The following CCDC171 variants were observed in gnomAD, a reference collection of about 807,000 sequenced individuals.
CCDC171 encodes coiled-coil domain-containing protein 171.
Under a neutral mutation model 168.2 loss-of-function variants are expected in CCDC171, and 177 were observed. That is an observed-to-expected ratio of 1.05 (90% CI 0.93 to 1.19). The LOEUF (loss-of-function observed/expected upper bound fraction) is 1.19, where lower values mean the gene tolerates loss of function less well. Ranked by LOEUF, CCDC171 falls within the 50% of genes most tolerant of loss-of-function variation. The probability of loss-of-function intolerance (pLI) is 0.00; values close to 1 mark genes in which losing one functional copy is unlikely to be tolerated. For missense variants in CCDC171, 1,991 were observed against 1,539.0 expected (o/e 1.29, Z -4.91); for synonymous variants, 687 against 540.8 (o/e 1.27, Z -3.75).
chr9:16,011,035 A>C (rs1832854912), intron 3 of CCDC171, among the ~76,000 whole-genome samples: 1 of 152,190 alleles, frequency 6.6e-6, no homozygotes, highest in Non-Finnish European at 1.5e-5. Flanking sequence ...TGCAAATGGG[A>C]GGCCAATGGA....
At chr9:15,694,967 G>C (rs1043508876) in intron 10 of CCDC171, among the ~76,000 whole-genome samples, 1 of 152,048 alleles carries the variant, frequency 6.6e-6, no homozygotes, top group South Asian at 2.1e-4. Context: ...TCCATCATAG[G>C]GTTATTGTGA....
At chr9:15,574,468 G>A (rs1023918298) in intron 3 of CCDC171, among the ~76,000 whole-genome samples, 3 of 151,874 alleles carry the variant, frequency 2.0e-5, no homozygotes, top group Non-Finnish European at 4.4e-5. Context: ...TAGTGGAGAC[G>A]GAGTTTTACC....
intron 6 of CCDC171, among the ~76,000 whole-genome samples, chr9:16,028,695 A>G (rs7848880): frequency 0.29 from 44,671 of 151,910 alleles, 6,761 homozygotes; most frequent in Non-Finnish European, 0.33. Flanking sequence ...TGCAGGGAGA[A>G]TAATTCACTG....
intron 6 of CCDC171, among the ~76,000 whole-genome samples, chr9:15,620,304 G>A (rs1380259511): frequency 6.6e-6 from 1 of 152,184 alleles, no homozygotes; most frequent in Non-Finnish European, 1.5e-5. Context: ...CATTCTAGAT[G>A]CCCTTAAGAC....
intron 11 of CCDC171, among the ~76,000 whole-genome samples, chr9:15,695,774 C>T (rs140454263): frequency 4.1e-4 from 63 of 152,274 alleles, no homozygotes; most frequent in African/African-American, 1.4e-3. Flanking sequence ...CTTTCCAAGC[C>T]GGTTTTCTAA....
In CCDC171 at chr9:15,821,086, C is replaced by G. The variant is rs1250441708; in HGVS notation, c.3268-25616C>G. 1.7e-5 allele frequency among the ~76,000 whole-genome samples: 2 copies of G among 117,344 alleles called. 1 individual carries two copies. Among genetic ancestry groups the G allele is most frequent in the Non-Finnish European group, 3.8e-5 (2 of 52,298 alleles). 77.0% of individuals were successfully genotyped at this position (117,344 alleles called of 152,430 possible). A position where few individuals can be genotyped will look rare whatever the true frequency, so the allele number is the denominator to read the frequency against. The stretch of plus-strand genomic sequence containing the variant: ...TATAAACAGACCCAAAGACAAAAAT[C>G]ACATGATTATCTCAATAGATGCAGA... On this transcript the variant is annotated intron_variant, in intron 21 of 25. Transcript: ENST00000380701.
At chr9:15,628,358 G>A (rs1037240200) in intron 7 of CCDC171, among the ~76,000 whole-genome samples, 10 of 152,264 alleles carry the variant, frequency 6.6e-5, no homozygotes, top group African/African-American at 1.4e-4. Flanking sequence ...CTTAAAAAAC[G>A]GCGCACCAGG....
chr9:16,046,995 C>A (rs1833672443), intron 1 of CCDC171, among the ~76,000 whole-genome samples: 1 of 152,306 alleles, frequency 6.6e-6, no homozygotes, highest in East Asian at 1.9e-4. Context: ...GTAGCTGGGT[C>A]TTCTCCTACT....
At chr9:16,039,186 T>G (rs76837545), upstream of CCDC171, among the ~76,000 whole-genome samples, 1 of 152,286 alleles carries the variant, frequency 6.6e-6, no homozygotes, top group South Asian at 2.1e-4. Context: ...AGGGTCCTTC[T>G]TAGGCAAATT....
At chr9:15,996,554 A>G (rs1383339750) in intron 3 of CCDC171, among the ~76,000 whole-genome samples, 28 of 151,650 alleles carry the variant, frequency 1.8e-4, no homozygotes, top group Admixed American at 1.8e-3. Flanking sequence ...GTCGGCACTC[A>G]AAATGTTTTG....
intron 3 of CCDC171, among the ~76,000 whole-genome samples, chr9:16,000,820 T>A (rs1832519199): frequency 6.6e-6 from 1 of 152,154 alleles, no homozygotes; most frequent in Admixed American, 6.5e-5. Flanking sequence ...TTTTTCCTGC[T>A]AAAATCCACT....
At chr9:15,699,106 C>T (rs1374057234) in intron 11 of CCDC171, among the ~76,000 whole-genome samples, 1 of 152,078 alleles carries the variant, frequency 6.6e-6, no homozygotes, top group East Asian at 1.9e-4. Context: ...TTCTTGAAGG[C>T]AGCGTGTCCA....
intron 7 of CCDC171, among the ~76,000 whole-genome samples, chr9:15,636,523 C>A (rs893021473): frequency 4.0e-5 from 6 of 151,750 alleles, no homozygotes; most frequent in African/African-American, 1.5e-4. Flanking sequence ...CAGAGGTGGG[C>A]AGATCACTTG....
intron 2 of CCDC171, among the ~76,000 whole-genome samples, chr9:15,568,402 C>G (rs1029395969): frequency 6.6e-6 from 1 of 151,728 alleles, no homozygotes; most frequent in African/African-American, 2.4e-5. Flanking sequence ...TCCGGAGTAG[C>G]TGGGACTACA....
intron 25 of CCDC171, among the ~76,000 whole-genome samples, chr9:15,962,392 A>G (rs1449069846): frequency 6.6e-6 from 1 of 152,224 alleles, no homozygotes; most frequent in East Asian, 1.9e-4. Context: ...TATTATTAAT[A>G]TAAACTAATC....
rs145160855 is a variant in CCDC171 at position 15,646,888 on chromosome 9, G to T, written c.823-10239G>T. Among the ~76,000 whole-genome samples the T allele has an allele frequency of 2.1e-4, 32 of 152,302 alleles. No homozygotes were observed. The East Asian group carries it at 5.4e-3, about 26-fold the overall frequency. ...ATATCCAGGAATTGAACTCAGCTCT[G>T]CACCAAGTGGACCTAATAGACATCT... On this transcript the variant is annotated intron_variant, in intron 7 of 25. Transcript: ENST00000380701.
intron 25 of CCDC171, among the ~76,000 whole-genome samples, chr9:15,967,694 T>A (rs1433207950): frequency 2.0e-5 from 3 of 152,192 alleles, no homozygotes. Context: ...AAAAGAACTG[T>A]GAGGAGAAGC....
At chr9:15,601,451 A>G (rs751422145) in intron 6 of CCDC171, among the ~76,000 whole-genome samples, 12 of 152,208 alleles carry the variant, frequency 7.9e-5, no homozygotes, top group Non-Finnish European at 1.8e-4. Context: ...GAAGGACAGT[A>G]CAACCACGCT....
intron 23 of CCDC171, among the ~76,000 whole-genome samples, chr9:15,854,056 G>T (rs917555082): frequency 6.7e-6 from 1 of 149,476 alleles, no homozygotes; most frequent in African/African-American, 2.5e-5. Context: ...GGACATATTG[G>T]TCTGTAGTTT....
Sources: allele counts gnomAD v4.1 joint callset (sites outside exome capture counted in the v4.1 genomes callset), GRCh38; gene constraint gnomAD v4.1.1; transcripts MANE v1.5; gene names NCBI Gene and HGNC (gene_info 2026-07-23, HGNC 2026-07-21).